The following TRPV5 variants were observed in gnomAD, a reference collection of about 807,000 sequenced individuals.
TRPV5 encodes the protein transient receptor potential cation channel subfamily V member 5.
In TRPV5, 66 loss-of-function variants were observed where a neutral mutation model predicts 74.1. The observed-to-expected ratio is 0.89, with a 90% CI of 0.73 to 1.09. TRPV5 has a LOEUF of 1.09. Among genes scored for constraint, TRPV5 ranks in the 50% least tolerant of loss-of-function variants. TRPV5 has a pLI of 0.00. For missense variants in TRPV5, 936 were observed against 930.4 expected (o/e 1.01, Z -0.08); for synonymous variants, 399 against 360.7 (o/e 1.11, Z -1.20).
At chr7:142,926,359 G>C (rs1191828539) in intron 7 of TRPV5, among the ~76,000 whole-genome samples, 1 of 152,202 alleles carries the variant, frequency 6.6e-6, no homozygotes, top group Non-Finnish European at 1.5e-5. Flanking sequence ...TAAGCAGCCA[G>C]TGAGACGTTA....
In TRPV5 at chr7:142,933,427, G is replaced by T. The variant is rs377258108; in HGVS notation, c.33C>A (p.Pro11=). 4.3e-6 allele frequency: 7 copies of T among 1,614,042 alleles called. No homozygotes were observed. In the Admixed American group the frequency reaches 1.0e-4, roughly 23 times the overall value. The part of the protein sequence containing the change: MGGFLPKAEG[P]GSQLQKLLPS... The stretch of plus-strand genomic sequence containing the variant: ...GCAGAAGTTTCTGGAGTTGGCTCCC[G>T]GGCCCTTCTGCCTTAGGTAGAAAAC... Residue 11 remains proline (P), a synonymous_variant, in exon 1 of 15, where the codon CCC becomes CCA. Transcript: ENST00000265310.
intron 13 of TRPV5, among the ~76,000 whole-genome samples, chr7:142,912,034 A>G (rs772580928): frequency 6.6e-6 from 1 of 152,232 alleles, no homozygotes; most frequent in Non-Finnish European, 1.5e-5. Flanking sequence ...TGACCAATAA[A>G]TGATTATTAT....
At chr7:142,927,728 C>T (rs1796010965) in intron 7 of TRPV5, among the ~76,000 whole-genome samples, 1 of 152,204 alleles carries the variant, frequency 6.6e-6, no homozygotes, top group Non-Finnish European at 1.5e-5. Flanking sequence ...CACCAGGCCC[C>T]TTCTCCAACA....
chr7:142,913,075 A>C (rs1795729633), intron 12 of TRPV5, among the ~76,000 whole-genome samples: 1 of 152,280 alleles, frequency 6.6e-6, no homozygotes, highest in Admixed American at 6.5e-5. Context: ...AGGTCACCTA[A>C]CTGGTTTTTG....
At position 142,933,360 on chromosome 7, in the gene TRPV5, C is replaced by G. The variant is rs1445207174; in HGVS notation, c.100G>C (p.Asp34His). ...VREQDWDQHL[D>H]KLHMLQQKRI... ...TTCTGCTGCAGCATATGAAGCTTGT[C>G]CAGGTGCTGGTCCCAGTCTTGTTCT... is the stretch of plus-strand genomic sequence containing the variant. The change falls in exon 1 of 15, where the codon GAC becomes CAC. Residue 34 changes from aspartate to histidine, a missense_variant. Coordinates refer to ENST00000265310, the MANE Select transcript of TRPV5 (RefSeq NM_019841.7). The G allele has an allele frequency of 1.2e-6, 2 of 1,614,020 alleles. No homozygotes were observed. Among genetic ancestry groups the G allele is most frequent in the Non-Finnish European group, 1.7e-6 (2 of 1,180,036 alleles).
chr7:142,915,283 G>C, intron 10 of TRPV5, 24 bp downstream of exon 10: 3 of 1,608,162 alleles, frequency 1.9e-6, no homozygotes, highest in Non-Finnish European at 2.5e-6. Context: ...GAAAGGCAGG[G>C]GGCTGGAATG....
chr7:142,919,797 C>T (rs557156475), intron 8 of TRPV5, among the ~76,000 whole-genome samples: 1 of 152,264 alleles, frequency 6.6e-6, no homozygotes, highest in East Asian at 1.9e-4. Flanking sequence ...TGGGGCACTA[C>T]TGGGTCGTAA....
chr7:142,912,589 C>T lies in TRPV5; in HGVS notation c.1681G>A (p.Ala561Thr), dbSNP rs139430146. The T allele has an allele frequency of 2.2e-3, 3,549 of 1,614,178 alleles. 6 individuals are homozygous for T. The highest frequency in any genetic ancestry group is 2.7e-3 in the Non-Finnish European group (3,147 of 1,180,036). ...AGCAGTGTGGCAATGATGGTGAAGGCGAAGTTGACAATGCTGAACATGAAG... is the reference window on the plus strand; with the variant it reads ...AGCAGTGTGGCAATGATGGTGAAGGTGAAGTTGACAATGCTGAACATGAAG... ...LPFMFSIVNF[A>T]FTIIATLLML... The change falls in exon 13 of 15, where the codon GCC becomes ACC. Residue 561 changes from alanine (A) to threonine (T), a missense_variant. Physicochemically the swap from Ala to Thr is moderately conservative, Grantham distance 58. Coordinates refer to ENST00000265310, the MANE Select transcript of TRPV5 (RefSeq NM_019841.7).
chr7:142,914,856 G>A (rs765004913), intron 11 of TRPV5, 25 bp downstream of exon 11: 1 of 1,613,398 alleles, frequency 6.2e-7, no homozygotes, highest in Admixed American at 1.7e-5. Context: ...GCCTGAGGCG[G>A]AGGAAGCTTC....
Position 142,909,655 on chromosome 7 carries a change from C to T in TRPV5, c.1789-59G>A, listed in dbSNP as rs919655479. 6.1e-5 allele frequency: 95 copies of T among 1,550,610 alleles called. 1 individual carries two copies. In the Middle Eastern group the frequency reaches 6.7e-4, roughly 11 times the overall value. ...GAAAGAGCCATGAGGTTCAAAGAGG[C>T]ACTGAGGCCACTGATAAAGGGAACC... On this transcript the variant is annotated intron_variant, in intron 13 of 14. Coordinates refer to ENST00000265310, the MANE Select transcript of TRPV5 (RefSeq NM_019841.7).
chr7:142,914,625 T>C lies in TRPV5; in HGVS notation c.1519+15A>G, dbSNP rs760493910. The C allele has an allele frequency of 1.2e-6, 2 of 1,609,696 alleles. No individual in the cohort carries two copies. Among genetic ancestry groups the C allele is most frequent in the Non-Finnish European group, 8.5e-7 (1 of 1,177,594 alleles). On this transcript the variant is annotated intron_variant, in intron 12 of 14. Transcript: ENST00000265310. ...TAGATCTGCTGATCTAGTAGAGGAG[T>C]GTATGGTGCCTTACCGGAGGCAAAT...
intron 1 of TRPV5, among the ~76,000 whole-genome samples, 186 bp from the exon 2 acceptor site, chr7:142,930,632 C>T (rs1051922975): frequency 6.6e-6 from 1 of 152,252 alleles, no homozygotes. Context: ...GCCCCAGGGC[C>T]TTCCTTGCAA....
rs1218091983 is a variant in TRPV5 at position 142,912,608 on chromosome 7, C to T, written c.1662G>A (p.Met554Ile). 1.2e-6 allele frequency: 2 copies of T among 1,614,190 alleles called. No homozygotes were observed. ...TGAAGGCGAAGTTGACAATGCTGAA[C>T]ATGAAGGGCAAGTCCACGTCGTAGT... ...PANYDVDLPFMFSIVNFAFTI... is the reference protein window; with the variant it reads ...PANYDVDLPFIFSIVNFAFTI... Residue 554 changes from methionine (M) to isoleucine (I), a missense_variant, in exon 13 of 15, where the codon ATG becomes ATA. By Grantham distance (10) the Met-to-Ile change is conservative. Transcript: ENST00000265310.
chr7:142,933,322 G>A lies in TRPV5; in HGVS notation c.128+10C>T. ...GGCGGTAGGGCCACGGATCGTTCTA[G>A]GAAGCCTACCTCTTCTGCTGCAGCA... On this transcript the variant is annotated intron_variant, in intron 1 of 14. Transcript: ENST00000265310. 1 of 1,612,830 alleles carries A rather than the reference G, an allele frequency of 6.2e-7. No homozygotes were observed. The highest frequency in any genetic ancestry group is 8.5e-7 in the Non-Finnish European group (1 of 1,179,718).
intron 8 of TRPV5, among the ~76,000 whole-genome samples, chr7:142,924,375 C>CAT (rs761091491): frequency 0.079 from 2,013 of 25,618 alleles, 397 homozygotes; most frequent in African/African-American, 0.27. Context: ...TATATATATA[C>CAT]ATATATATAT....
At chr7:142,919,803 C>A (rs1215063393) in intron 8 of TRPV5, among the ~76,000 whole-genome samples, 1 of 152,148 alleles carries the variant, frequency 6.6e-6, no homozygotes, top group Non-Finnish European at 1.5e-5. Flanking sequence ...ACTACTGGGT[C>A]GTAAGGGCCA....
In TRPV5 at chr7:142,915,354, A is replaced by AGAG; in HGVS notation, c.1236_1238dup (p.Ser413dup). The AGAG allele has an allele frequency of 1.2e-6, 2 of 1,607,368 alleles. No homozygotes were observed. Among genetic ancestry groups the AGAG allele is most frequent in the Non-Finnish European group, 1.7e-6 (2 of 1,178,404 alleles). ...CAAGAATCGTCTTTCCAAAATAGCG[A>AGAG]GAGGCACCAACCCTGAAGATGTCTG... is the stretch of plus-strand genomic sequence containing the variant. On this transcript the variant is annotated inframe_insertion, in exon 10 of 15. Coordinates refer to ENST00000265310, the MANE Select transcript of TRPV5 (RefSeq NM_019841.7).
chr7:142,917,684 C>T (rs998343041), intron 8 of TRPV5, among the ~76,000 whole-genome samples: 4 of 152,170 alleles, frequency 2.6e-5, no homozygotes, highest in Non-Finnish European at 4.4e-5. Context: ...TCAGAAACCC[C>T]AATTTTTTGC....
At chr7:142,932,790 T>C (rs537595436) in intron 1 of TRPV5, among the ~76,000 whole-genome samples, 1 of 152,268 alleles carries the variant, frequency 6.6e-6, no homozygotes, top group East Asian at 1.9e-4. Flanking sequence ...CTAACACCCC[T>C]CTGCACACAG....
Sources: gnomAD v4.1 joint callset for allele counts (sites outside exome capture counted in the v4.1 genomes callset) on GRCh38, gnomAD v4.1.1 for gene constraint, MANE v1.5 for transcripts, NCBI Gene and HGNC (gene_info 2026-07-23, HGNC 2026-07-21) for gene names.